Variants in GATM observed in about 807,000 individuals in gnomAD.
GATM encodes the protein glycine amidinotransferase, also known as glycine amidinotransferase, mitochondrial.
GATM carries 23 observed loss-of-function variants against 54.2 expected under a neutral mutation model. The observed-to-expected ratio is 0.42, with a 90% CI of 0.31 to 0.60. The LOEUF (loss-of-function observed/expected upper bound fraction) is 0.60, where lower values mean the gene tolerates loss of function less well. GATM is among the 20% of genes least tolerant of loss of function. GATM has a pLI of 0.14. For missense variants in GATM, 401 were observed against 544.9 expected (o/e 0.74, Z 2.63); for synonymous variants, 168 against 183.1 (o/e 0.92, Z 0.67).
chr15:45,376,801 C>T lies in GATM; in HGVS notation c.88G>A (p.Gly30Arg), dbSNP rs1245821498. The change falls in exon 2 of 9, where the codon GGA becomes AGA. Residue 30 changes from glycine to arginine, a missense_variant. Physicochemically the swap from Gly to Arg is moderately radical, Grantham distance 125 (BLOSUM62 -2). This residue lies in a region of GATM where 70 missense variants were observed against 61.5 expected (regional missense o/e 1.14). Coordinates refer to ENST00000396659, the MANE Select transcript of GATM (RefSeq NM_001482.3). ...IGSRLGRTLT[G>R]WVQRTFQSTQ... ...CTCTGGAAAGTTCGCTGCACCCATC[C>T]TGTCAAGGTTCGTCCAAGCTTCCAA... The T allele has an allele frequency of 6.2e-6, 10 of 1,613,856 alleles. No homozygotes were observed. The highest frequency in any genetic ancestry group is 5.0e-5 in the Admixed American group (3 of 59,982).
At chr15:45,397,344 C>A (rs952935150) in intron 2 of GATM, 1 of 152,082 alleles carries the variant, frequency 6.6e-6, no homozygotes, top group Non-Finnish European at 1.5e-5. Context: ...CAACCATGAT[C>A]ATAAACTTGG....
chr15:45,371,893 A>T (rs891947454), intron 2 of GATM, among the ~76,000 whole-genome samples: 2 of 152,232 alleles, frequency 1.3e-5, no homozygotes, highest in Non-Finnish European at 2.9e-5. Context: ...TATCTTTTCT[A>T]GATTTTGTGT....
upstream of GATM, among the ~76,000 whole-genome samples, chr15:45,382,918 C>T (rs1285096952): frequency 6.6e-6 from 1 of 152,180 alleles, no homozygotes; most frequent in Non-Finnish European, 1.5e-5. Context: ...TTCCTGACTA[C>T]CTAGTCAATT....
chr15:45,397,365 C>T (rs1889946677), intron 2 of GATM: 1 of 152,062 alleles, frequency 6.6e-6, no homozygotes, highest in African/African-American at 2.4e-5. Flanking sequence ...AGCTTTCAGC[C>T]CCTACCTCCA....
In GATM at chr15:45,363,925, T is replaced by G. The variant is rs1434518856; in HGVS notation, c.1134A>C (p.Pro378=). 2 of 1,611,882 alleles carry G rather than the reference T, an allele frequency of 1.2e-6. No individual in the cohort carries two copies. The change falls in exon 8 of 9, where the codon CCA becomes CCC. Residue 378 remains proline (P), a synonymous_variant. Transcript: ENST00000396659. ...KRVMVDANEV[P]IQKMFEKLGI... ...CCAGCTTTTCAAACATCTTTTGAAT[T>G]GGAACTTCATTGGCATCCACCATAA... is the stretch of plus-strand genomic sequence containing the variant.
intron 4 of GATM, 79 bp from the exon 5 acceptor site, chr15:45,366,587 A>G: frequency 6.5e-7 from 1 of 1,530,442 alleles, no homozygotes; most frequent in Non-Finnish European, 9.0e-7. Context: ...TACTAAGAAA[A>G]TTAGTTTAAC....
At chr15:45,378,102 T>G (rs1595486478) in intron 1 of GATM, 1 of 391,510 alleles carries the variant, frequency 2.6e-6, no homozygotes. Flanking sequence ...CCCTGCGCCG[T>G]GGGCCAGCAG....
At chr15:45,366,231 T>C in intron 5 of GATM, 21 bp from the exon 6 acceptor site, 1 of 1,613,754 alleles carries the variant, frequency 6.2e-7, no homozygotes, top group Non-Finnish European at 8.5e-7. Flanking sequence ...AAGAAAGACA[T>C]ACGATCGATA....
At chr15:45,392,899 G>C (rs1230947910) in intron 3 of GATM, among the ~76,000 whole-genome samples, 2 of 152,142 alleles carry the variant, frequency 1.3e-5, no homozygotes, top group Non-Finnish European at 2.9e-5. Context: ...ACAATTAGGG[G>C]ATCAGTAGAA....
upstream of GATM, chr15:45,378,653 G>T: frequency 9.2e-6 from 4 of 435,106 alleles, no homozygotes. Context: ...GTAGCGCCCC[G>T]AATTAGGAAC....
At chr15:45,375,298 T>C (rs1889613570) in intron 2 of GATM, among the ~76,000 whole-genome samples, 1 of 152,132 alleles carries the variant, frequency 6.6e-6, no homozygotes, top group South Asian at 2.1e-4. Flanking sequence ...CTCGATCTCC[T>C]GACCTCGTGA....
chr15:45,364,831 A>G lies in GATM; in HGVS notation c.1008T>C (p.Thr336=). 6.2e-7 allele frequency: 1 copy of G among 1,614,016 alleles called. No individual in the cohort carries two copies. The highest frequency in any genetic ancestry group is 1.1e-5 in the South Asian group (1 of 91,074). The change falls in exon 7 of 9, where the codon ACT becomes ACC. Residue 336 remains threonine, a synonymous_variant. Coordinates refer to ENST00000396659, the MANE Select transcript of GATM (RefSeq NM_001482.3). ...QIDLFKKAGW[T]IITPPTPIIP... ...TGATTGGTGTTGGAGGAGTAATGAT[A>G]GTCCATCCTGCTTTCTTGAAAAGAT... is the stretch of plus-strand genomic sequence containing the variant.
chr15:45,400,950 T>A (rs1315040969), intron 1 of GATM, among the ~76,000 whole-genome samples: 1 of 142,504 alleles, frequency 7.0e-6, no homozygotes, highest in African/African-American at 2.9e-5. Flanking sequence ...CCTTTAGGGG[T>A]CGGTAAAAAC....
At chr15:45,384,772 G>C (rs190384499) in intron 3 of GATM, among the ~76,000 whole-genome samples, 55 of 151,992 alleles carry the variant, frequency 3.6e-4, no homozygotes, top group Non-Finnish European at 7.2e-4. Flanking sequence ...GCAGTGGTGC[G>C]ATCATAGCTC....
chr15:45,396,663 G>A (rs1409086082), intron 3 of GATM, among the ~76,000 whole-genome samples: 1 of 152,026 alleles, frequency 6.6e-6, no homozygotes, highest in African/African-American at 2.4e-5. Flanking sequence ...GAGGTCAGGA[G>A]ATCGAGACCA....
chr15:45,378,330 C>T, intron 1 of GATM, 55 bp downstream of exon 1: 2 of 1,401,400 alleles, frequency 1.4e-6, no homozygotes, highest in African/African-American at 1.5e-5. Flanking sequence ...CTCCACGCCG[C>T]CCGCAGGATC....
At chr15:45,394,428 A>G (rs1319442826) in intron 3 of GATM, among the ~76,000 whole-genome samples, 6 of 152,210 alleles carry the variant, frequency 3.9e-5, no homozygotes, top group Non-Finnish European at 7.3e-5. Context: ...GAGGAAAGAC[A>G]GACAGGAAAA....
chr15:45,365,758 C>T (rs913166371), intron 6 of GATM, among the ~76,000 whole-genome samples: 3 of 152,194 alleles, frequency 2.0e-5, no homozygotes, highest in Non-Finnish European at 4.4e-5. Flanking sequence ...ATAACACCAT[C>T]GTTTGATAAA....
chr15:45,393,289 T>A (rs9788780), intron 3 of GATM, among the ~76,000 whole-genome samples: 48,448 of 152,028 alleles, frequency 0.32, 8,839 homozygotes, highest in East Asian at 0.83. Context: ...CATAGTGTAG[T>A]GGTTCAGAGT....
Sources: allele counts gnomAD v4.1 joint callset (sites outside exome capture counted in the v4.1 genomes callset), GRCh38; gene constraint gnomAD v4.1.1; regional missense constraint gnomAD v4.1.1; transcripts MANE v1.5; gene names NCBI Gene and HGNC (gene_info 2026-07-23, HGNC 2026-07-21).